The following MRPL34 variants were observed in gnomAD, a reference collection of about 807,000 sequenced individuals.
MRPL34 encodes large ribosomal subunit protein bL34m.
Under a neutral mutation model 6.7 loss-of-function variants are expected in MRPL34, and 8 were observed. The ratio of observed to expected loss-of-function variants is 1.20; its 90% CI spans 0.70 to 2.16. MRPL34 has a LOEUF of 2.16. Among genes scored for constraint, MRPL34 ranks in the 30% most tolerant of loss-of-function variants. The pLI is 0.00. For synonymous variants in MRPL34, 59 were observed against 55.1 expected (o/e 1.07, Z -0.31); for missense variants, 146 against 125.5 (o/e 1.16, Z -0.78).
At chr19:17,301,452 A>AGCG (rs773955225), upstream of MRPL34, 4 of 1,611,998 alleles carry the variant, frequency 2.5e-6, no homozygotes, top group Non-Finnish European at 2.5e-6. Flanking sequence ...GAGGTGGGGC[A>AGCG]GCGGCTGGGG....
In MRPL34 at chr19:17,306,612, T is replaced by G. The variant is rs1943350378; in HGVS notation, c.*233T>G. ...CAAAGAACAGTACAAAGAACATCCG[T>G]GTACCCAGTACCCTGACTACCGACT... On this transcript the variant is annotated 3_prime_UTR_variant, in exon 2 of 2. Transcript: ENST00000252602. 1 of 451,768 alleles carries G rather than the reference T, an allele frequency of 2.2e-6. No homozygotes were observed. The highest frequency in any genetic ancestry group is 2.1e-5 in the African/African-American group (1 of 48,446). The allele number at this position is 451,768 out of a possible 1,614,324, so 28.0% of individuals were successfully genotyped here.
upstream of MRPL34, chr19:17,301,253 C>T (rs1452966436): frequency 4.4e-6 from 7 of 1,598,614 alleles, no homozygotes; most frequent in South Asian, 6.6e-5. Context: ...GCCGGATCTG[C>T]CAGCTCCACC....
At chr19:17,305,238 T>G (rs2074139914), upstream of MRPL34, among the ~76,000 whole-genome samples, 2 of 126,870 alleles carry the variant, frequency 1.6e-5, no homozygotes, top group African/African-American at 6.5e-5. Context: ...AAAATTTTTC[T>G]TCCTTTTTTT....
chr19:17,301,516 G>C, upstream of MRPL34: 1 of 1,611,348 alleles, frequency 6.2e-7, no homozygotes, highest in Non-Finnish European at 8.5e-7. Flanking sequence ...CTCTACAAAG[G>C]TGTAGCCATC....
rs534656278 is a variant in MRPL34 at position 17,305,881 on chromosome 19, C to G, written c.-12C>G. The G allele has an allele frequency of 1.2e-6, 2 of 1,613,964 alleles. No individual in the cohort carries two copies. Among genetic ancestry groups the G allele is most frequent in the East Asian group, 2.2e-5 (1 of 44,866 alleles). On this transcript the variant is annotated 5_prime_UTR_variant, in exon 1 of 2. Coordinates refer to ENST00000252602, the MANE Select transcript of MRPL34 (RefSeq NM_023937.4). ...ATCGCCCGCAGCCGGTACTGCGGGACCCACTGCGGATATGGCTGTCTTGGC... is the reference window on the plus strand; with the variant it reads ...ATCGCCCGCAGCCGGTACTGCGGGAGCCACTGCGGATATGGCTGTCTTGGC...
upstream of MRPL34, chr19:17,302,349 A>C (rs536619133): frequency 7.0e-6 from 1 of 143,320 alleles, no homozygotes; most frequent in African/African-American, 2.5e-5. Context: ...ACACTAACTC[A>C]TCCATTCAGG....
At chr19:17,294,806 G>C (rs1306751408) in intron 1 of MRPL34, 1 of 1,614,210 alleles carries the variant, frequency 6.2e-7, no homozygotes, top group East Asian at 2.2e-5. Context: ...TGTGCACTAG[G>C]TCTGGGTACT....
Position 17,305,934 on chromosome 19 carries a change from G to A in MRPL34, c.42G>A (p.Arg14=). 6.2e-7 allele frequency: 1 copy of A among 1,614,182 alleles called. No homozygotes were observed. The highest frequency in any genetic ancestry group is 8.5e-7 in the Non-Finnish European group (1 of 1,180,036). ...LAGSLLGPTS[R]SAALLGGRWL... Reference sequence around the variant, plus strand: ...GATCCCTGTTGGGCCCCACGAGTAGGTCGGCAGCGTTGCTGGGTGGCAGGT... The same window carrying A: ...GATCCCTGTTGGGCCCCACGAGTAGATCGGCAGCGTTGCTGGGTGGCAGGT... The change falls in exon 1 of 2, where the codon AGG becomes AGA. Residue 14 remains arginine (R), a synonymous_variant. Coordinates refer to ENST00000252602, the MANE Select transcript of MRPL34 (RefSeq NM_023937.4).
At chr19:17,300,113 C>T (rs1173343073), upstream of MRPL34, among the ~76,000 whole-genome samples, 1 of 151,746 alleles carries the variant, frequency 6.6e-6, no homozygotes, top group Non-Finnish European at 1.5e-5. Flanking sequence ...ACCGTGTTAG[C>T]CAGGATGGTC....
At chr19:17,304,224 T>A (rs558695444), upstream of MRPL34, among the ~76,000 whole-genome samples, 3 of 152,328 alleles carry the variant, frequency 2.0e-5, no homozygotes, top group South Asian at 6.2e-4. Context: ...GAGGCAGGCA[T>A]CCCAGCTCTG....
chr19:17,293,309 CTGA>C (rs1462094223), intron 1 of MRPL34, among the ~76,000 whole-genome samples: 1 of 152,026 alleles, frequency 6.6e-6, no homozygotes, highest in Admixed American at 6.6e-5. Context: ...GTTTGTCAGG[CTGA>C]TCTCCAACTC....
chr19:17,305,919 G>A lies in MRPL34; in HGVS notation c.27G>A (p.Leu9=). 3 of 1,614,118 alleles carry A rather than the reference G, an allele frequency of 1.9e-6. No individual in the cohort carries two copies. Among genetic ancestry groups the A allele is most frequent in the Non-Finnish European group, 2.5e-6 (3 of 1,180,022 alleles). The stretch of plus-strand genomic sequence containing the variant: ...TGGCTGTCTTGGCTGGATCCCTGTT[G>A]GGCCCCACGAGTAGGTCGGCAGCGT... MAVLAGSL[L]GPTSRSAALL... is the part of the protein sequence containing the mutation. Residue 9 remains leucine, a synonymous_variant, in exon 1 of 2, where the codon TTG becomes TTA. Coordinates refer to ENST00000252602, the MANE Select transcript of MRPL34 (RefSeq NM_023937.4).
intron 1 of MRPL34, among the ~76,000 whole-genome samples, chr19:17,297,376 A>AC (rs1279926925): frequency 1.3e-5 from 2 of 151,534 alleles, no homozygotes; most frequent in Admixed American, 6.6e-5. Flanking sequence ...GCTCACTGCA[A>AC]CCCCCACCTC....
upstream of MRPL34, chr19:17,300,720 C>A (rs963013315): frequency 8.7e-7 from 1 of 1,148,488 alleles, no homozygotes; most frequent in Non-Finnish European, 1.2e-6. Context: ...TCAGGTGATC[C>A]GCCTGCCTCG....
upstream of MRPL34, chr19:17,301,320 A>T: frequency 6.2e-7 from 1 of 1,607,626 alleles, no homozygotes; most frequent in Non-Finnish European, 8.5e-7. Context: ...GGTCGGCTCG[A>T]GGGGCTCGGC....
upstream of MRPL34, chr19:17,301,654 T>A: frequency 6.6e-7 from 1 of 1,510,620 alleles, no homozygotes; most frequent in Non-Finnish European, 8.8e-7. Flanking sequence ...CCAGTTCAGG[T>A]GCTGTCTCAA....
intron 1 of MRPL34, chr19:17,292,910 C>G: frequency 6.8e-7 from 1 of 1,460,432 alleles, no homozygotes; most frequent in Admixed American, 2.0e-5. Flanking sequence ...CTCCGCCATA[C>G]ACACATGGCC....
chr19:17,305,842 C>T (rs892276611), upstream of MRPL34: 1 of 1,572,848 alleles, frequency 6.4e-7, no homozygotes. Context: ...GCTGGAGCGG[C>T]TCTGGGCTCC....
chr19:17,297,830 T>C (rs1198740271), intron 1 of MRPL34: 2 of 151,578 alleles, frequency 1.3e-5, no homozygotes, highest in African/African-American at 2.4e-5. Context: ...TCCTCAGCTA[T>C]AGCAGTCCTC....
Sources: allele counts gnomAD v4.1 joint callset (sites outside exome capture counted in the v4.1 genomes callset), GRCh38; gene constraint gnomAD v4.1.1; transcripts MANE v1.5; gene names NCBI Gene and HGNC (gene_info 2026-07-23, HGNC 2026-07-21).